Variants in SLC4A4 observed in about 807,000 individuals in gnomAD.
SLC4A4 encodes the protein electrogenic sodium bicarbonate cotransporter 1.
SLC4A4 carries 27 observed loss-of-function variants against 111.5 expected under a neutral mutation model. That is an observed-to-expected ratio of 0.24 (90% confidence interval 0.18 to 0.33). SLC4A4 has a LOEUF of 0.33. Among genes scored for constraint, SLC4A4 ranks in the 10% least tolerant of loss-of-function variants. SLC4A4 has a pLI of 1.00. For synonymous variants in SLC4A4, 443 were observed against 463.4 expected, an observed-to-expected ratio of 0.96 and a Z score of 0.57; for missense variants, 909 against 1,315.5, an observed-to-expected ratio of 0.69 and a Z score of 4.78.
intron 9 of SLC4A4, 131 bp from the exon 10 acceptor site, chr4:71,450,258 G>A (rs1178812117): frequency 2.8e-6 from 2 of 726,638 alleles, no homozygotes; most frequent in East Asian, 5.3e-5. Context: ...TGAATAATAG[G>A]GACTATCAGA....
intron 2 of SLC4A4, among the ~76,000 whole-genome samples, chr4:71,247,131 A>G (rs1222561462): frequency 6.6e-6 from 1 of 151,342 alleles, no homozygotes; most frequent in Non-Finnish European, 1.5e-5. Context: ...TTACCTACAT[A>G]TGTGTATATG....
At chr4:71,498,125 AGTAAACTTAAATTGT>A (rs1730581762) in intron 16 of SLC4A4, among the ~76,000 whole-genome samples, 1 of 152,148 alleles carries the variant, frequency 6.6e-6, no homozygotes, top group Admixed American at 6.6e-5. Flanking sequence ...GGGCTGTGGG[AGTAAACTTAAATTGT>A]GTTGTTACAC....
chr4:71,400,506 G>T (rs1720257422), intron 7 of SLC4A4, among the ~76,000 whole-genome samples: 1 of 152,160 alleles, frequency 6.6e-6, no homozygotes. Flanking sequence ...AAGGAAGGTT[G>T]ATGAATATAT....
intron 1 of SLC4A4, among the ~76,000 whole-genome samples, chr4:71,070,935 A>ATCC (rs1741643861): frequency 6.6e-6 from 1 of 150,952 alleles, no homozygotes; most frequent in South Asian, 2.1e-4. Context: ...TTTCTCAGTA[A>ATCC]GTTTCAGAAA....
chr4:71,070,662 A>G (rs1741638350), intron 1 of SLC4A4, among the ~76,000 whole-genome samples: 1 of 152,236 alleles, frequency 6.6e-6, no homozygotes, highest in African/African-American at 2.4e-5. Flanking sequence ...TGGTTTGTTC[A>G]TTCTATTAAA....
intron 2 of SLC4A4, among the ~76,000 whole-genome samples, chr4:71,134,186 T>C (rs909789732): frequency 6.6e-6 from 1 of 152,262 alleles, no homozygotes; most frequent in Non-Finnish European, 1.5e-5. Flanking sequence ...AATATGAGGT[T>C]CTATTGAATT....
intron 4 of SLC4A4, among the ~76,000 whole-genome samples, chr4:71,342,402 T>C (rs1407443285): frequency 6.6e-6 from 1 of 152,094 alleles, no homozygotes; most frequent in Non-Finnish European, 1.5e-5. Flanking sequence ...TGTTGGGAGA[T>C]TTTGGTCTAG....
At chr4:71,479,730 C>T (rs1396720033) in intron 14 of SLC4A4, among the ~76,000 whole-genome samples, 1 of 151,744 alleles carries the variant, frequency 6.6e-6, no homozygotes, top group African/African-American at 2.4e-5. Context: ...GACTCCTTTA[C>T]CGGCACAGTT....
intron 1 of SLC4A4, among the ~76,000 whole-genome samples, chr4:71,200,399 A>T (rs1050594663): frequency 3.3e-5 from 5 of 152,176 alleles, no homozygotes; most frequent in African/African-American, 1.2e-4. Context: ...AGTTGCACAC[A>T]TTTCTATTCT....
intron 14 of SLC4A4, among the ~76,000 whole-genome samples, chr4:71,474,591 C>A (rs1347117389): frequency 1.3e-5 from 2 of 151,834 alleles, no homozygotes; most frequent in African/African-American, 4.8e-5. Context: ...CACTACTTCC[C>A]TCACAATAGG....
At chr4:71,281,469 GC>G (rs546165207) in intron 3 of SLC4A4, among the ~76,000 whole-genome samples, 1 of 152,128 alleles carries the variant, frequency 6.6e-6, no homozygotes, top group Admixed American at 6.6e-5. Context: ...ACTAGTATGA[GC>G]CCCGGTTTTC....
intron 15 of SLC4A4, among the ~76,000 whole-genome samples, chr4:71,496,589 C>A (rs1730430890): frequency 6.6e-6 from 1 of 152,000 alleles, no homozygotes; most frequent in Non-Finnish European, 1.5e-5. Flanking sequence ...AATGGCAGTT[C>A]TCTAGAGAAA....
At chr4:71,351,131 G>A (rs1324146752) in intron 5 of SLC4A4, among the ~76,000 whole-genome samples, 1 of 152,212 alleles carries the variant, frequency 6.6e-6, no homozygotes, top group African/African-American at 2.4e-5. Flanking sequence ...AACTACAAAG[G>A]AAGCCAAAGC....
chr4:71,439,513 C>T (rs1009858098), intron 7 of SLC4A4, among the ~76,000 whole-genome samples: 3 of 137,414 alleles, frequency 2.2e-5, no homozygotes, highest in Admixed American at 1.5e-4. Flanking sequence ...CAAATTTATT[C>T]GTCCATTCTT....
chr4:71,288,578 T>C (rs531233378), intron 3 of SLC4A4, among the ~76,000 whole-genome samples: 7 of 152,094 alleles, frequency 4.6e-5, no homozygotes, highest in Non-Finnish European at 1.0e-4. Flanking sequence ...TTTGTGTTTT[T>C]AGTAGAGACG....
At chr4:71,427,490 CAA>C (rs1723251950) in intron 7 of SLC4A4, among the ~76,000 whole-genome samples, 1 of 151,974 alleles carries the variant, frequency 6.6e-6, no homozygotes, top group Non-Finnish European at 1.5e-5. Flanking sequence ...GATGTTATTT[CAA>C]AGTCTGTGTC....
intron 6 of SLC4A4, among the ~76,000 whole-genome samples, chr4:71,387,177 T>C (rs762385190): frequency 3.3e-5 from 5 of 152,154 alleles, no homozygotes; most frequent in Non-Finnish European, 7.4e-5. Flanking sequence ...TTCTTCAGAG[T>C]TTTGCAGGGA....
At chr4:71,181,648 C>CATCA (rs1460231206) in intron 2 of SLC4A4, among the ~76,000 whole-genome samples, 1 of 152,184 alleles carries the variant, frequency 6.6e-6, no homozygotes, top group Non-Finnish European at 1.5e-5. Flanking sequence ...GAAGGAATGC[C>CATCA]ATCAATCATT....
At chr4:71,138,760 G>A (rs772571476) in intron 2 of SLC4A4, among the ~76,000 whole-genome samples, 3 of 152,122 alleles carry the variant, frequency 2.0e-5, no homozygotes, top group Non-Finnish European at 4.4e-5. Context: ...AAGTTGGCCG[G>A]GCGCGGTGGC....
Sources: allele counts gnomAD v4.1 joint callset (sites outside exome capture counted in the v4.1 genomes callset), GRCh38; gene constraint gnomAD v4.1.1; transcripts MANE v1.5; gene names NCBI Gene and HGNC (gene_info 2026-07-23, HGNC 2026-07-21).